MCUB: variants seen among roughly 807,000 people sequenced by gnomAD.
MCUB encodes mitochondrial calcium uniporter dominant negative subunit beta.
Under a neutral mutation model 41.4 loss-of-function variants are expected in MCUB, and 46 were observed. The observed-to-expected ratio is 1.11, with a 90% CI of 0.88 to 1.42. The LOEUF is 1.42. Ranked by LOEUF, MCUB falls within the 40% of genes most tolerant of loss-of-function variation. The pLI is 0.00. For synonymous variants in MCUB, 148 were observed against 148.2 expected (o/e 1.00, Z 0.01); for missense variants, 403 against 404.9 (o/e 1.00, Z 0.04).
chr4:109,647,550 T>A (rs759412475), intron 1 of MCUB, among the ~76,000 whole-genome samples: 2 of 152,206 alleles, frequency 1.3e-5, no homozygotes, highest in Non-Finnish European at 2.9e-5. Context: ...ATTCCATTAT[T>A]TAGACGTACC....
intron 1 of MCUB, among the ~76,000 whole-genome samples, chr4:109,590,877 T>C (rs1579053641): frequency 6.6e-6 from 1 of 152,350 alleles, no homozygotes; most frequent in African/African-American, 2.4e-5. Context: ...AAAACCATGA[T>C]TACCTTGTCT....
Position 109,682,106 on chromosome 4 carries a change from G to A in MCUB, c.452-476G>A, listed in dbSNP as rs535780202. Among the ~76,000 whole-genome samples the A allele has an allele frequency of 8.5e-5, 13 of 152,238 alleles. No individual in the cohort carries two copies. In the East Asian group the frequency reaches 1.9e-3, roughly 23 times the overall value. Reference sequence around the variant, plus strand: ...GGGTGTGAGCCAAGTTGCAAGCCCCGTGTTTAAAGGTGGATGCGGTCACCT... The same window carrying A: ...GGGTGTGAGCCAAGTTGCAAGCCCCATGTTTAAAGGTGGATGCGGTCACCT... On this transcript the variant is annotated intron_variant, in intron 4 of 7. Coordinates refer to ENST00000394650, the MANE Select transcript of MCUB (RefSeq NM_017918.5).
At chr4:109,570,026 C>G (rs1726877133) in intron 1 of MCUB, among the ~76,000 whole-genome samples, 1 of 152,158 alleles carries the variant, frequency 6.6e-6, no homozygotes, top group South Asian at 2.1e-4. Context: ...GTCTCATGCT[C>G]TCTTGGCCTG....
At chr4:109,562,055 G>A (rs540704571) in intron 1 of MCUB, among the ~76,000 whole-genome samples, 1 of 152,218 alleles carries the variant, frequency 6.6e-6, no homozygotes, top group African/African-American at 2.4e-5. Flanking sequence ...CCAGCCCCAA[G>A]TGTTTTCTAT....
At chr4:109,565,574 A>G (rs1726751760) in intron 1 of MCUB, among the ~76,000 whole-genome samples, 1 of 152,190 alleles carries the variant, frequency 6.6e-6, no homozygotes, top group Non-Finnish European at 1.5e-5. Context: ...AAAACAAGGA[A>G]AATTAATACT....
At chr4:109,616,379 G>T (rs1378186603) in intron 1 of MCUB, among the ~76,000 whole-genome samples, 3 of 152,162 alleles carry the variant, frequency 2.0e-5, no homozygotes, top group Non-Finnish European at 2.9e-5. Flanking sequence ...ATCTTGCAGA[G>T]AATTTCTTCA....
At chr4:109,670,145 A>G (rs982341259) in intron 4 of MCUB, among the ~76,000 whole-genome samples, 1 of 152,180 alleles carries the variant, frequency 6.6e-6, no homozygotes, top group African/African-American at 2.4e-5. Flanking sequence ...GCCTTTTATA[A>G]TATAGTGATA....
At chr4:109,612,996 C>T (rs973704038) in intron 1 of MCUB, among the ~76,000 whole-genome samples, 2 of 152,070 alleles carry the variant, frequency 1.3e-5, no homozygotes, top group South Asian at 2.1e-4. Flanking sequence ...GTCCCAGCTA[C>T]TCGCGAGGCT....
intron 1 of MCUB, among the ~76,000 whole-genome samples, chr4:109,638,826 A>T (rs1391415128): frequency 6.6e-6 from 1 of 152,236 alleles, no homozygotes; most frequent in Non-Finnish European, 1.5e-5. Flanking sequence ...ATTCCATCTC[A>T]AGAAACCACT....
intron 1 of MCUB, among the ~76,000 whole-genome samples, chr4:109,581,830 T>TA (rs1727184877): frequency 6.6e-6 from 1 of 152,220 alleles, no homozygotes; most frequent in Non-Finnish European, 1.5e-5. Context: ...CACAGTGAGA[T>TA]ACCATCTCAC....
intron 1 of MCUB, among the ~76,000 whole-genome samples, chr4:109,587,547 C>T (rs113141566): frequency 0.022 from 3,398 of 152,262 alleles, 126 homozygotes; most frequent in African/African-American, 0.071. Flanking sequence ...GCGTCAATCA[C>T]GCTGGGAGCT....
intron 1 of MCUB, among the ~76,000 whole-genome samples, chr4:109,635,595 C>A (rs76054333): frequency 2.6e-5 from 4 of 152,358 alleles, no homozygotes; most frequent in Admixed American, 6.5e-5. Flanking sequence ...ACACCGCCTC[C>A]TTCAGTCTCT....
chr4:109,570,424 T>C (rs150314553), intron 1 of MCUB, among the ~76,000 whole-genome samples: 1 of 152,366 alleles, frequency 6.6e-6, no homozygotes, highest in East Asian at 1.9e-4. Context: ...ATTATGTTGG[T>C]CTATGTCAGA....
At chr4:109,567,738 A>C (rs1321661204) in intron 1 of MCUB, among the ~76,000 whole-genome samples, 2 of 151,434 alleles carry the variant, frequency 1.3e-5, no homozygotes, top group African/African-American at 2.4e-5. Context: ...TTGCTCTGTC[A>C]CCCAGGCTGT....
At chr4:109,613,791 G>C (rs557732210) in intron 1 of MCUB, among the ~76,000 whole-genome samples, 1 of 152,226 alleles carries the variant, frequency 6.6e-6, no homozygotes, top group East Asian at 1.9e-4. Flanking sequence ...AGTATTTATT[G>C]AGATAACTGC....
rs545322849 is a variant in MCUB, at chr4:109,651,936, C to G, written c.100-7075C>G. ...CATCCCATTTGGGCTATGACACCCA[C>G]ACTAATTGCGCCTCCACTGTTTAGA... is the stretch of plus-strand genomic sequence containing the variant. On this transcript the variant is annotated intron_variant, in intron 1 of 7. Coordinates refer to ENST00000394650, the MANE Select transcript of MCUB (RefSeq NM_017918.5). Among the ~76,000 whole-genome samples, 4 of 152,346 alleles carry G rather than the reference C, an allele frequency of 2.6e-5. No homozygotes were observed. In the South Asian group the frequency reaches 8.3e-4, roughly 32 times the overall value.
intron 1 of MCUB, among the ~76,000 whole-genome samples, chr4:109,585,533 C>A (rs1385143964): frequency 6.6e-6 from 1 of 152,198 alleles, no homozygotes; most frequent in Non-Finnish European, 1.5e-5. Context: ...GATGCAGTTT[C>A]TTCCTAGCAT....
chr4:109,597,347 T>C (rs1727584393), intron 1 of MCUB, among the ~76,000 whole-genome samples: 1 of 150,142 alleles, frequency 6.7e-6, no homozygotes, highest in South Asian at 2.1e-4. Context: ...ACGGGGCGGC[T>C]GGCCGGGCGG....
At chr4:109,608,472 C>T (rs1011663703) in intron 1 of MCUB, among the ~76,000 whole-genome samples, 2 of 149,126 alleles carry the variant, frequency 1.3e-5, no homozygotes, top group African/African-American at 2.4e-5. Context: ...GATGTCTGGG[C>T]GTTGAAAAGT....
Sources: allele counts gnomAD v4.1 joint callset (sites outside exome capture counted in the v4.1 genomes callset), GRCh38; gene constraint gnomAD v4.1.1; transcripts MANE v1.5; gene names NCBI Gene and HGNC (gene_info 2026-07-23, HGNC 2026-07-21).